RAB5A: variants seen among roughly 807,000 people sequenced by gnomAD.
RAB5A encodes ras-related protein Rab-5A.
A neutral mutation model predicts 25.7 loss-of-function variants in RAB5A; 8 were observed. The ratio of observed to expected loss-of-function variants is 0.31; its 90% CI spans 0.18 to 0.56. RAB5A has a LOEUF of 0.56. RAB5A is among the 20% of genes least tolerant of loss of function. The pLI, the probability that RAB5A is intolerant of heterozygous loss-of-function variation, is 0.91. For synonymous variants in RAB5A, 98 were observed against 89.8 expected (o/e 1.09, Z -0.52); for missense variants, 192 against 259.7 (o/e 0.74, Z 1.79).
chr3:19,982,702 C>T (rs541165180), intron 5 of RAB5A, among the ~76,000 whole-genome samples: 1 of 150,696 alleles, frequency 6.6e-6, no homozygotes, highest in East Asian at 2.0e-4. Context: ...CTCAGGACTG[C>T]AGTAAGCCAT....
chr3:19,949,202 G>A lies in RAB5A; in HGVS notation c.-93-1604G>A, dbSNP rs192678093. 1.7e-3 allele frequency among the ~76,000 whole-genome samples: 265 copies of A among 152,194 alleles called. 1 individual carries two copies. Among genetic ancestry groups the A allele is most frequent in the African/African-American group, 6.1e-3 (255 of 41,522 alleles). ...TATTTGGAAGCAACTCAGATATTACGTCAATAAATCTGTAAATATTTCAGT... is the reference window on the plus strand; with the variant it reads ...TATTTGGAAGCAACTCAGATATTACATCAATAAATCTGTAAATATTTCAGT... On this transcript the variant is annotated intron_variant, in intron 1 of 5. Coordinates refer to ENST00000273047, the MANE Select transcript of RAB5A (RefSeq NM_004162.5).
intron 2 of RAB5A, among the ~76,000 whole-genome samples, chr3:19,951,701 G>GTTTTTTGTTTT (rs1282723121): frequency 5.0e-5 from 5 of 99,014 alleles, no homozygotes; most frequent in Middle Eastern, 5.4e-3. Context: ...TGCCAGGCAA[G>GTTTTTTGTTTT]TTTTTTTTTT....
At chr3:19,953,462 C>T (rs1185226076) in intron 2 of RAB5A, among the ~76,000 whole-genome samples, 1 of 144,710 alleles carries the variant, frequency 6.9e-6, no homozygotes, top group Non-Finnish European at 1.5e-5. Context: ...GGCTGGAGTG[C>T]AGTGGTGTAG....
chr3:19,964,768 C>T (rs1696637180), intron 2 of RAB5A, among the ~76,000 whole-genome samples: 1 of 152,152 alleles, frequency 6.6e-6, no homozygotes, highest in Non-Finnish European at 1.5e-5. Flanking sequence ...CATGTCACCA[C>T]GTCTGGCTTA....
chr3:19,951,885 A>G (rs923521677), intron 2 of RAB5A, among the ~76,000 whole-genome samples: 3 of 151,918 alleles, frequency 2.0e-5, no homozygotes, highest in Non-Finnish European at 4.4e-5. Flanking sequence ...ATTAATGGAA[A>G]GGGACATAAC....
chr3:19,960,750 T>C (rs1041134750), intron 2 of RAB5A, among the ~76,000 whole-genome samples: 2 of 152,234 alleles, frequency 1.3e-5, no homozygotes, highest in Admixed American at 1.3e-4. Flanking sequence ...TCAGAATATC[T>C]GAAGTAAGTG....
At chr3:19,976,498 C>G (rs1200371394) in intron 4 of RAB5A, among the ~76,000 whole-genome samples, 4 of 152,096 alleles carry the variant, frequency 2.6e-5, no homozygotes, top group Non-Finnish European at 5.9e-5. Flanking sequence ...CCAACCTAAC[C>G]AACTTGGAGA....
intron 2 of RAB5A, among the ~76,000 whole-genome samples, chr3:19,964,534 G>A (rs953700027): frequency 1.3e-5 from 2 of 152,226 alleles, no homozygotes; most frequent in Non-Finnish European, 2.9e-5. Context: ...TCTTAGCCCT[G>A]AAGGCGCCCA....
chr3:19,976,021 T>C (rs369327147), intron 3 of RAB5A, 26 bp from the exon 4 acceptor site: 2 of 1,601,738 alleles, frequency 1.2e-6, no homozygotes, highest in Non-Finnish European at 1.7e-6. Flanking sequence ...GAGCCTGTGC[T>C]CAATGGCTGT....
chr3:19,964,773 G>A (rs980839942), intron 2 of RAB5A, among the ~76,000 whole-genome samples: 1 of 152,096 alleles, frequency 6.6e-6, no homozygotes, highest in Admixed American at 6.5e-5. Context: ...CACCACGTCT[G>A]GCTTATTTTT....
Position 19,984,164 on chromosome 3 carries a change from G to C in RAB5A, c.*341G>C, listed in dbSNP as rs1696987391. On this transcript the variant is annotated 3_prime_UTR_variant, in exon 6 of 6. Coordinates refer to ENST00000273047, the MANE Select transcript of RAB5A (RefSeq NM_004162.5). ...CCCATTTCTCCACACTGGTACAGTA[G>C]TCACCTGTGAAAAAAAAATTGGAAC... The C allele has an allele frequency of 2.9e-6, 1 of 339,250 alleles. No homozygotes were observed. Among genetic ancestry groups the C allele is most frequent in the South Asian group, 1.8e-5 (1 of 55,870 alleles). The allele number at this position is 339,250 out of a possible 1,614,324, so 21.0% of individuals were successfully genotyped here. A position where few individuals can be genotyped will look rare whatever the true frequency, so the allele number is the denominator to read the frequency against.
intron 2 of RAB5A, among the ~76,000 whole-genome samples, chr3:19,971,565 G>T (rs1040678401): frequency 6.6e-6 from 1 of 152,018 alleles, no homozygotes; most frequent in Non-Finnish European, 1.5e-5. Flanking sequence ...TCTGCCTCCC[G>T]AGTTCAAGTG....
chr3:19,982,097 C>T (rs999399436), intron 5 of RAB5A, among the ~76,000 whole-genome samples: 2 of 151,464 alleles, frequency 1.3e-5, no homozygotes, highest in Non-Finnish European at 2.9e-5. Context: ...AAAAGCCAGG[C>T]ATGGTGGTGC....
intron 2 of RAB5A, among the ~76,000 whole-genome samples, chr3:19,954,941 A>G (rs920394308): frequency 1.3e-5 from 2 of 152,296 alleles, no homozygotes; most frequent in South Asian, 2.1e-4. Flanking sequence ...GCTTGTTTGT[A>G]TGGGTTTAAA....
At chr3:19,970,593 C>A (rs1269111267) in intron 2 of RAB5A, 2 of 456,364 alleles carry the variant, frequency 4.4e-6, no homozygotes, top group Non-Finnish European at 8.8e-6. Flanking sequence ...AATATGGGCC[C>A]GAAAAGAAAA....
chr3:19,953,046 C>A (rs546422656), intron 2 of RAB5A, among the ~76,000 whole-genome samples: 2 of 148,976 alleles, frequency 1.3e-5, no homozygotes, highest in Non-Finnish European at 2.9e-5. Context: ...CTACTCTTCT[C>A]CTCTCTCTTT....
intron 2 of RAB5A, among the ~76,000 whole-genome samples, chr3:19,955,527 G>A (rs192017606): frequency 2.0e-5 from 3 of 152,128 alleles, no homozygotes; most frequent in Non-Finnish European, 2.9e-5. Flanking sequence ...TTTTACATTG[G>A]TACTAACATT....
chr3:19,975,837 CT>C (rs1249161279), intron 3 of RAB5A, 85 bp downstream of exon 3: 1 of 1,437,550 alleles, frequency 7.0e-7, no homozygotes, highest in Non-Finnish European at 9.4e-7. Flanking sequence ...TTTGGAAAAT[CT>C]TTTTCTGATA....
chr3:19,981,568 C>T (rs1454343598), intron 5 of RAB5A, among the ~76,000 whole-genome samples: 2 of 151,668 alleles, frequency 1.3e-5, no homozygotes, highest in Admixed American at 6.6e-5. Context: ...GAGCTGAGAT[C>T]GTGCCACTGC....
Sources: gnomAD v4.1 joint callset for allele counts (sites outside exome capture counted in the v4.1 genomes callset) on GRCh38, gnomAD v4.1.1 for gene constraint, MANE v1.5 for transcripts, NCBI Gene and HGNC (gene_info 2026-07-23, HGNC 2026-07-21) for gene names.